The following CSMD1 variants were observed in gnomAD, a reference collection of about 807,000 sequenced individuals.
CSMD1 encodes the protein CUB and sushi domain-containing protein 1.
CSMD1 carries 213 observed loss-of-function variants against 417.5 expected under a neutral mutation model. That is an observed-to-expected ratio of 0.51 (90% CI 0.46 to 0.57). The LOEUF (loss-of-function observed/expected upper bound fraction) is 0.57. CSMD1 is among the 20% of genes least tolerant of loss of function. The probability of loss-of-function intolerance (pLI) is 0.00; values close to 1 mark genes in which losing one functional copy is unlikely to be tolerated. For missense variants in CSMD1, 6,923 were observed against 4,529.7 expected, an observed-to-expected ratio of 1.53 and a Z score of -15.17; for synonymous variants, 2,862 against 1,736.8, an observed-to-expected ratio of 1.65 and a Z score of -16.11.
chr8:3,023,477 C>A (rs904491952), intron 51 of CSMD1, among the ~76,000 whole-genome samples: 1 of 152,080 alleles, frequency 6.6e-6, no homozygotes, highest in African/African-American at 2.4e-5. Context: ...AGGTGTGTAG[C>A]CGCCTCTACA....
At chr8:3,910,822 T>A (rs2688327) in intron 5 of CSMD1, among the ~76,000 whole-genome samples, 97,864 of 152,010 alleles carry the variant, frequency 0.64, 32,696 homozygotes, top group South Asian at 0.8. Context: ...GAGTGCATGC[T>A]ACAGGCCAAA....
intron 46 of CSMD1, among the ~76,000 whole-genome samples, chr8:3,104,231 GA>G (rs1294182512): frequency 6.6e-6 from 1 of 152,124 alleles, no homozygotes; most frequent in Non-Finnish European, 1.5e-5. Context: ...GGCAGAAGAT[GA>G]ACACTTTTTA....
chr8:4,308,782 A>C (rs11782760), intron 3 of CSMD1, among the ~76,000 whole-genome samples: 96,008 of 151,708 alleles, frequency 0.63, 31,425 homozygotes, highest in East Asian at 0.86. Flanking sequence ...ATTATTTACA[A>C]AACTAATTCA....
chr8:3,276,214 G>A (rs542829446), intron 26 of CSMD1, among the ~76,000 whole-genome samples: 3 of 152,142 alleles, frequency 2.0e-5, no homozygotes, highest in Non-Finnish European at 4.4e-5. Context: ...TACCCCTGCT[G>A]GGAGGTGCCT....
chr8:3,866,132 G>T (rs138056145), intron 5 of CSMD1, among the ~76,000 whole-genome samples: 2 of 152,094 alleles, frequency 1.3e-5, no homozygotes, highest in African/African-American at 4.8e-5. Context: ...AAGTGTTTAT[G>T]AATACTCTGA....
At chr8:4,573,232 T>G (rs1303622452) in intron 2 of CSMD1, among the ~76,000 whole-genome samples, 1 of 152,226 alleles carries the variant, frequency 6.6e-6, no homozygotes, top group Non-Finnish European at 1.5e-5. Flanking sequence ...ATTTTTGTGC[T>G]GGTTTTTCCT....
rs565665036 is a variant in CSMD1, at chr8:3,525,492, A to T, written c.1345-31766T>A. Among the ~76,000 whole-genome samples the T allele has an allele frequency of 2.6e-5, 4 of 152,328 alleles. No homozygotes were observed. The South Asian group carries it at 8.3e-4, about 32-fold the overall frequency. ...AGGACATGAAGAGCTATCCTCCGTGATAAGAAACGCAGTACCCTGACACTG... is the reference window on the plus strand; with the variant it reads ...AGGACATGAAGAGCTATCCTCCGTGTTAAGAAACGCAGTACCCTGACACTG... On this transcript the variant is annotated intron_variant, in intron 10 of 69. Transcript: ENST00000635120.
intron 54 of CSMD1, among the ~76,000 whole-genome samples, chr8:2,987,466 T>G (rs912913751): frequency 6.7e-6 from 1 of 149,526 alleles, no homozygotes; most frequent in African/African-American, 2.4e-5. Context: ...TATTTCTATA[T>G]ATATAAGAAA....
At chr8:4,473,815 G>A (rs1239591054) in intron 2 of CSMD1, among the ~76,000 whole-genome samples, 2 of 152,112 alleles carry the variant, frequency 1.3e-5, no homozygotes, top group African/African-American at 2.4e-5. Flanking sequence ...GAAAAATAGA[G>A]ATAGAATTGT....
At chr8:3,051,036 T>C (rs921797699) in intron 50 of CSMD1, among the ~76,000 whole-genome samples, 1 of 152,204 alleles carries the variant, frequency 6.6e-6, no homozygotes, top group African/African-American at 2.4e-5. Context: ...GAAAGCAGTG[T>C]GGTGATTTCT....
intron 6 of CSMD1, among the ~76,000 whole-genome samples, chr8:3,721,274 C>G (rs992566230): frequency 6.6e-6 from 1 of 152,112 alleles, no homozygotes; most frequent in Non-Finnish European, 1.5e-5. Flanking sequence ...AGCAATGCCC[C>G]TCAAGGATCT....
chr8:3,508,508 A>T (rs538460246), intron 10 of CSMD1, among the ~76,000 whole-genome samples: 1,722 of 42,764 alleles, frequency 0.04, 37 homozygotes, highest in African/African-American at 0.14. Flanking sequence ...AAGTATAATA[A>T]AAAAAAAAGA....
At chr8:4,234,015 G>A (rs1475629422) in intron 3 of CSMD1, among the ~76,000 whole-genome samples, 1 of 151,996 alleles carries the variant, frequency 6.6e-6, no homozygotes, top group Non-Finnish European at 1.5e-5. Context: ...GAGAGGTTCT[G>A]GCATCTGGTT....
At chr8:4,692,494 A>G (rs1221183997) in intron 1 of CSMD1, among the ~76,000 whole-genome samples, 1 of 152,114 alleles carries the variant, frequency 6.6e-6, no homozygotes, top group Non-Finnish European at 1.5e-5. Flanking sequence ...GGGGTTGATA[A>G]AAAGAAAATA....
chr8:3,900,838 C>G (rs1188298221), intron 5 of CSMD1, among the ~76,000 whole-genome samples: 1 of 152,218 alleles, frequency 6.6e-6, no homozygotes, highest in Non-Finnish European at 1.5e-5. Flanking sequence ...GCTTGCTCTT[C>G]TCATTTCCGA....
intron 3 of CSMD1, among the ~76,000 whole-genome samples, chr8:4,344,756 C>A (rs923900897): frequency 6.6e-6 from 1 of 152,066 alleles, no homozygotes; most frequent in Non-Finnish European, 1.5e-5. Context: ...ATTCACATTT[C>A]ACCGTTGTAG....
chr8:4,601,682 T>A (rs1274355711), intron 2 of CSMD1, among the ~76,000 whole-genome samples: 1 of 152,202 alleles, frequency 6.6e-6, no homozygotes, highest in Non-Finnish European at 1.5e-5. Context: ...CCCCTCATCA[T>A]GCAATGAGGG....
At chr8:4,563,582 A>T (rs1485612745) in intron 2 of CSMD1, among the ~76,000 whole-genome samples, 1 of 152,164 alleles carries the variant, frequency 6.6e-6, no homozygotes, top group Non-Finnish European at 1.5e-5. Context: ...CTTATAAATG[A>T]GTTGAAGACA....
At chr8:3,995,853 A>T (rs933362400) in intron 5 of CSMD1, among the ~76,000 whole-genome samples, 1 of 152,206 alleles carries the variant, frequency 6.6e-6, no homozygotes, top group Non-Finnish European at 1.5e-5. Flanking sequence ...TTAGACATGA[A>T]GGCACACAGG....
Sources: gnomAD v4.1 joint callset for allele counts (sites outside exome capture counted in the v4.1 genomes callset) on GRCh38, gnomAD v4.1.1 for gene constraint, MANE v1.5 for transcripts, NCBI Gene and HGNC (gene_info 2026-07-23, HGNC 2026-07-21) for gene names.